Variants in RDH13 observed in about 807,000 individuals in gnomAD.
The protein encoded by RDH13 is retinol dehydrogenase 13, also known as retinol dehydrogenase 13 (all-trans and 9-cis).
A neutral mutation model predicts 28.3 loss-of-function variants in RDH13; 35 were observed. That is an observed-to-expected ratio of 1.24 (90% CI 0.95 to 1.64). The LOEUF (loss-of-function observed/expected upper bound fraction) is 1.64, where lower values mean the gene tolerates loss of function less well. RDH13 is among the 40% of genes most tolerant of loss of function. The probability of loss-of-function intolerance (pLI) is 0.00; values close to 1 mark genes in which losing one functional copy is unlikely to be tolerated. For synonymous variants in RDH13, 229 were observed against 198.5 expected, an observed-to-expected ratio of 1.15 and a Z score of -1.29; for missense variants, 514 against 446.3, an observed-to-expected ratio of 1.15 and a Z score of -1.37.
upstream of RDH13, among the ~76,000 whole-genome samples, chr19:55,064,840 T>A (rs1309898264): frequency 2.7e-5 from 4 of 150,144 alleles, no homozygotes; most frequent in African/African-American, 4.9e-5. Flanking sequence ...CTCAAACTCC[T>A]GACCTCAGGT....
rs568376560 is a variant in RDH13 at position 55,058,671 on chromosome 19, T to C, written c.184+486A>G. On this transcript the variant is annotated intron_variant, in intron 2 of 6. Coordinates refer to ENST00000415061, the MANE Select transcript of RDH13 (RefSeq NM_001145971.2). ...TCAAGGTTCATCTGTTTCAATGCCC[T>C]TTTTTTTGTTTTGCTTTGTTTTGTT... Among the ~76,000 whole-genome samples, 24 of 150,832 alleles carry C rather than the reference T, an allele frequency of 1.6e-4. No individual in the cohort carries two copies. The East Asian group carries it at 4.4e-3, about 28-fold the overall frequency.
At chr19:55,056,036 C>G (rs1204464613) in intron 3 of RDH13, among the ~76,000 whole-genome samples, 1 of 151,968 alleles carries the variant, frequency 6.6e-6, no homozygotes, top group Non-Finnish European at 1.5e-5. Flanking sequence ...TGCCTGTAAT[C>G]CCAGCTACTC....
At chr19:55,039,566 G>T (rs1296905501), downstream of RDH13, 1 of 149,718 alleles carries the variant, frequency 6.7e-6, no homozygotes, top group Non-Finnish European at 1.5e-5. Flanking sequence ...ATAAGGCCGG[G>T]CGTGGTGGCC....
intron 3 of RDH13, among the ~76,000 whole-genome samples, chr19:55,053,437 T>G (rs542455299): frequency 6.6e-6 from 1 of 151,510 alleles, no homozygotes; most frequent in Non-Finnish European, 1.5e-5. Flanking sequence ...GGCTGGATCA[T>G]GAGGTCAGGA....
At chr19:55,041,216 C>G (rs1055779150), downstream of RDH13, 5 of 152,272 alleles carry the variant, frequency 3.3e-5, no homozygotes, top group African/African-American at 1.2e-4. Flanking sequence ...TGGGCTCAAG[C>G]AATCCACCGA....
At chr19:55,054,247 G>A (rs540539483) in intron 3 of RDH13, among the ~76,000 whole-genome samples, 28 of 152,272 alleles carry the variant, frequency 1.8e-4, no homozygotes, top group African/African-American at 9.6e-5. Context: ...TTTACTGAGC[G>A]GGGCACATTG....
rs1221185443 is a variant in RDH13, at chr19:55,044,517, C to T, written c.*557G>A. The T allele has an allele frequency of 6.6e-6, 1 of 152,432 alleles. No individual in the cohort carries two copies. Among genetic ancestry groups the T allele is most frequent in the African/African-American group, 2.4e-5 (1 of 41,442 alleles). 9.4% of individuals were successfully genotyped at this position (152,432 alleles called of 1,614,324 possible). A position where few individuals can be genotyped will look rare whatever the true frequency, so the allele number is the denominator to read the frequency against. On this transcript the variant is annotated 3_prime_UTR_variant, in exon 7 of 7. Transcript: ENST00000415061. ...CCTGCTCTCTGGCTGGGCTCTGGCA[C>T]AGGAAGCCCTCAGCAAACACCCCCG...
downstream of RDH13, chr19:55,042,159 A>G (rs1022178142): frequency 3.1e-5 from 4 of 128,434 alleles, no homozygotes; most frequent in African/African-American, 1.2e-4. Flanking sequence ...AAAAAAAAAA[A>G]AGGAAAGCTG....
chr19:55,048,070 G>T lies in RDH13; in HGVS notation c.658+259C>A, dbSNP rs769018855. ...CTGGCTGGAGCCAAAAGGCTGAGCT[G>T]CCTGCCCAACAGCAGCAGGGAAGGA... On this transcript the variant is annotated intron_variant, in intron 5 of 6. Coordinates refer to ENST00000415061, the MANE Select transcript of RDH13 (RefSeq NM_001145971.2). 1.6e-5 allele frequency: 24 copies of T among 1,486,640 alleles called. No homozygotes were observed. In the South Asian group the frequency reaches 3.1e-4, roughly 19 times the overall value. 92.1% of individuals were successfully genotyped at this position (1,486,640 alleles called of 1,614,324 possible).
chr19:55,059,110 T>G, intron 2 of RDH13, 47 bp downstream of exon 2: 1 of 1,238,982 alleles, frequency 8.1e-7, no homozygotes, highest in Non-Finnish European at 1.2e-6. Context: ...GCAGTGAGCA[T>G]GGATGTACAG....
chr19:55,043,736 T>C (rs1381967637), downstream of RDH13, among the ~76,000 whole-genome samples: 1 of 152,000 alleles, frequency 6.6e-6, no homozygotes, highest in Non-Finnish European at 1.5e-5. Flanking sequence ...TGAAAACATG[T>C]TTTCTATCTC....
intron 3 of RDH13, among the ~76,000 whole-genome samples, chr19:55,055,953 G>A (rs956941994): frequency 6.6e-6 from 1 of 151,988 alleles, no homozygotes; most frequent in Non-Finnish European, 1.5e-5. Flanking sequence ...AGGAGTTCGA[G>A]ACCAGCCTGA....
downstream of RDH13, among the ~76,000 whole-genome samples, chr19:55,043,622 C>G (rs1025276327): frequency 5.9e-5 from 9 of 151,776 alleles, no homozygotes; most frequent in East Asian, 1.8e-3. Flanking sequence ...GAGCTGAGAT[C>G]ATGCCATTGC....
downstream of RDH13, chr19:55,040,931 A>T (rs941881935): frequency 8.5e-5 from 13 of 152,264 alleles, no homozygotes; most frequent in Admixed American, 2.6e-4. Flanking sequence ...GTTTGAGACC[A>T]GCCTGACCAA....
At chr19:55,047,152 T>C in intron 6 of RDH13, 1 of 1,404,738 alleles carries the variant, frequency 7.1e-7, no homozygotes, top group Non-Finnish European at 9.2e-7. Flanking sequence ...CCTCTTCCTC[T>C]GAGACACGGT....
intron 2 of RDH13, 40 bp from the exon 3 acceptor site, chr19:55,056,848 C>G: frequency 6.5e-7 from 1 of 1,549,000 alleles, no homozygotes; most frequent in Non-Finnish European, 8.8e-7. Context: ...ATTAATAATC[C>G]ACTCCTGGGT....
chr19:55,048,616 A>G, intron 4 of RDH13, 43 bp downstream of exon 4: 1 of 1,610,042 alleles, frequency 6.2e-7, no homozygotes, highest in Non-Finnish European at 8.5e-7. Context: ...ACGACGGGGG[A>G]GGATCGCTTG....
chr19:55,048,180 C>T (rs1016010303), intron 5 of RDH13, 149 bp downstream of exon 5: 50 of 1,535,944 alleles, frequency 3.3e-5, no homozygotes, highest in Non-Finnish European at 4.2e-5. Context: ...GCTTCAGGCA[C>T]CAGAAGCGGG....
intron 6 of RDH13, 44 bp from the exon 7 acceptor site, chr19:55,045,353 AGAAG>A (rs958752792): frequency 2.3e-5 from 35 of 1,499,114 alleles, no homozygotes; most frequent in Non-Finnish European, 3.0e-5. Flanking sequence ...TCGCTCAGAG[AGAAG>A]GAAGGAAGCC....
Sources: allele counts gnomAD v4.1 joint callset (sites outside exome capture counted in the v4.1 genomes callset), GRCh38; gene constraint gnomAD v4.1.1; transcripts MANE v1.5; gene names NCBI Gene and HGNC (gene_info 2026-07-23, HGNC 2026-07-21).